The following KCNIP4 variants were observed in gnomAD, a reference collection of about 807,000 sequenced individuals.
KCNIP4 encodes Kv channel-interacting protein 4.
A neutral mutation model predicts 34.0 loss-of-function variants in KCNIP4; 12 were observed. The ratio of observed to expected loss-of-function variants is 0.35; its 90% CI spans 0.23 to 0.57. The LOEUF is 0.57. Among genes scored for constraint, KCNIP4 ranks in the 20% least tolerant of loss-of-function variants. The pLI, the probability that KCNIP4 is intolerant of heterozygous loss-of-function variation, is 0.83. For synonymous variants in KCNIP4, 124 were observed against 102.2 expected, an observed-to-expected ratio of 1.21 and a Z score of -1.29; for missense variants, 238 against 311.7, an observed-to-expected ratio of 0.76 and a Z score of 1.78.
rs949548104 is a variant in KCNIP4, at chr4:21,048,944, C to CTTTTT, written c.62-166240_62-166236dup. 7.0e-4 allele frequency among the ~76,000 whole-genome samples: 67 copies of CTTTTT among 96,038 alleles called. 2 individuals carry two copies. Among genetic ancestry groups the CTTTTT allele is most frequent in the African/African-American group, 1.7e-3 (41 of 23,770 alleles). 63.0% of individuals were successfully genotyped at this position (96,038 alleles called of 152,430 possible). ...AGCTCTTTCAGTACCTTCTGTTTAT[C>CTTTTT]TTTTTTTTTTTTTTTTTTTTTTTTG... On this transcript the variant is annotated intron_variant, in intron 1 of 8. Coordinates refer to ENST00000382152, the MANE Select transcript of KCNIP4 (RefSeq NM_025221.6).
chr4:21,945,588 T>C lies in KCNIP4; in HGVS notation c.61+2983A>G, dbSNP rs530746570. ...ATTTTTTTACTCTACTATTGAAACA[T>C]ACATTTTCCTCATTTTTAGTTGTAG... On this transcript the variant is annotated intron_variant, in intron 1 of 8. Transcript: ENST00000382152. 2.6e-5 allele frequency among the ~76,000 whole-genome samples: 4 copies of C among 152,312 alleles called. No individual in the cohort carries two copies. The South Asian group carries it at 8.3e-4, about 32-fold the overall frequency.
chr4:20,998,346 A>T (rs2149714406), intron 1 of KCNIP4, among the ~76,000 whole-genome samples: 1 of 152,302 alleles, frequency 6.6e-6, no homozygotes, highest in Non-Finnish European at 1.5e-5. Context: ...GCTTTAGGCA[A>T]GTGTGTGTAC....
intron 1 of KCNIP4, among the ~76,000 whole-genome samples, chr4:21,781,145 T>C (rs955078035): frequency 6.6e-6 from 1 of 152,154 alleles, no homozygotes; most frequent in Non-Finnish European, 1.5e-5. Flanking sequence ...AGTGATTGGA[T>C]CGTGGGGGTG....
At chr4:21,041,189 G>A (rs1479407934) in intron 1 of KCNIP4, among the ~76,000 whole-genome samples, 1 of 151,722 alleles carries the variant, frequency 6.6e-6, no homozygotes, top group African/African-American at 2.4e-5. Flanking sequence ...CATGTGACAT[G>A]TGGTAGAGAT....
At chr4:21,258,600 T>C (rs1469937875) in intron 1 of KCNIP4, among the ~76,000 whole-genome samples, 1 of 152,184 alleles carries the variant, frequency 6.6e-6, no homozygotes, top group Non-Finnish European at 1.5e-5. Flanking sequence ...GTGGCTACAC[T>C]TCTCATTCTG....
chr4:21,801,840 G>C (rs1385196246), intron 1 of KCNIP4, among the ~76,000 whole-genome samples: 2 of 151,794 alleles, frequency 1.3e-5, no homozygotes, highest in East Asian at 1.9e-4. Context: ...CTGAGAAGCA[G>C]TGGCCTCTTA....
At chr4:21,528,343 C>T (rs1192568164) in intron 1 of KCNIP4, among the ~76,000 whole-genome samples, 1 of 151,944 alleles carries the variant, frequency 6.6e-6, no homozygotes, top group South Asian at 2.1e-4. Context: ...TGTTGATTTC[C>T]TCCAACAGTT....
At chr4:20,781,436 G>A (rs1756859229) in intron 3 of KCNIP4, among the ~76,000 whole-genome samples, 1 of 152,170 alleles carries the variant, frequency 6.6e-6, no homozygotes, top group African/African-American at 2.4e-5. Context: ...TTTTCCCGCT[G>A]CTGATAAAGA....
rs71655635 is a variant in KCNIP4, at chr4:21,437,880, A to AGTGTGTGTGT, written c.61+510681_61+510690dup. 1.0e-4 allele frequency among the ~76,000 whole-genome samples: 15 copies of AGTGTGTGTGT among 143,360 alleles called. No homozygotes were observed. The East Asian group carries it at 2.1e-3, about 20-fold the overall frequency. The allele number at this position is 143,360 out of a possible 152,430, so 94.0% of individuals were successfully genotyped here. A position where few individuals can be genotyped will look rare whatever the true frequency, so the allele number is the denominator to read the frequency against. ...AGGTTTTATGTCTTTTTATTTTACA[A>AGTGTGTGTGT]GTGTGTGTGTGTGTGTGTGTGTGTG... is the stretch of plus-strand genomic sequence containing the variant. On this transcript the variant is annotated intron_variant, in intron 1 of 8. Transcript: ENST00000382152.
At chr4:20,938,816 A>C (rs1043459971) in intron 1 of KCNIP4, among the ~76,000 whole-genome samples, 1 of 152,194 alleles carries the variant, frequency 6.6e-6, no homozygotes, top group African/African-American at 2.4e-5. Flanking sequence ...TCCAGTCCCA[A>C]ATAAAAGACA....
chr4:21,384,418 T>C (rs1169108316), intron 1 of KCNIP4, among the ~76,000 whole-genome samples: 1 of 152,146 alleles, frequency 6.6e-6, no homozygotes, highest in East Asian at 1.9e-4. Flanking sequence ...TATTAAACCA[T>C]CCAAGTTGAC....
chr4:21,847,531 C>T (rs1223833282), intron 1 of KCNIP4: 2 of 152,202 alleles, frequency 1.3e-5, no homozygotes, highest in Non-Finnish European at 2.9e-5. Flanking sequence ...TAACCAATTA[C>T]GCAGGAATAT....
chr4:21,417,202 T>C (rs1725026672), intron 1 of KCNIP4, among the ~76,000 whole-genome samples: 1 of 151,754 alleles, frequency 6.6e-6, no homozygotes, highest in African/African-American at 2.4e-5. Context: ...TGCCCAAACA[T>C]AAGGTCGTGC....
intron 1 of KCNIP4, among the ~76,000 whole-genome samples, chr4:21,129,859 A>G (rs1750926003): frequency 6.6e-6 from 1 of 151,184 alleles, no homozygotes; most frequent in Admixed American, 6.6e-5. Flanking sequence ...ATAAGTTGAG[A>G]TAATGTAACC....
rs1746976754 is a variant in KCNIP4, at chr4:20,729,056, CTTGCTAATTTT to C, written c.*1015_*1025del. 2.9e-5 allele frequency: 2 copies of C among 69,680 alleles called. No homozygotes were observed. The highest frequency in any genetic ancestry group is 1.2e-4 in the Admixed American group (1 of 8,590). 4.3% of individuals were successfully genotyped at this position (69,680 alleles called of 1,614,324 possible). ...ACTGGTGCTTTCAAAGTGAATTTTG[CTTGCTAATTTT>C]GCTTGCTGTTTGTTCTTAGTAGACA... On this transcript the variant is annotated 3_prime_UTR_variant, in exon 9 of 9. Transcript: ENST00000382152.
At chr4:20,792,591 A>T (rs924340160) in intron 3 of KCNIP4, among the ~76,000 whole-genome samples, 1 of 152,182 alleles carries the variant, frequency 6.6e-6, no homozygotes, top group Non-Finnish European at 1.5e-5. Context: ...GGCTGAAAAC[A>T]TTAAACCACT....
chr4:21,696,077 C>A (rs1441332549), intron 1 of KCNIP4, among the ~76,000 whole-genome samples: 1 of 152,084 alleles, frequency 6.6e-6, no homozygotes, highest in South Asian at 2.1e-4. Flanking sequence ...AAAGTCACCA[C>A]AATTCACATT....
intron 1 of KCNIP4, among the ~76,000 whole-genome samples, chr4:20,965,602 T>C (rs1163745400): frequency 6.6e-6 from 1 of 152,202 alleles, no homozygotes; most frequent in Admixed American, 6.5e-5. Flanking sequence ...GTGTGGAGAA[T>C]GAGAAGATTT....
chr4:21,632,771 G>A (rs1184678572), intron 1 of KCNIP4, among the ~76,000 whole-genome samples: 1 of 152,082 alleles, frequency 6.6e-6, no homozygotes, highest in African/African-American at 2.4e-5. Flanking sequence ...CCACAAGAAG[G>A]GTATCTGGAG....
Sources: gnomAD v4.1 joint callset for allele counts (sites outside exome capture counted in the v4.1 genomes callset) on GRCh38, gnomAD v4.1.1 for gene constraint, MANE v1.5 for transcripts, NCBI Gene and HGNC (gene_info 2026-07-23, HGNC 2026-07-21) for gene names.